Variants in AGMO observed in about 807,000 individuals in gnomAD.
AGMO encodes alkylglycerol monooxygenase.
A neutral mutation model predicts 60.2 loss-of-function variants in AGMO; 75 were observed. That is an observed-to-expected ratio of 1.25 (90% CI 1.03 to 1.51). The LOEUF is 1.51. AGMO is among the 40% of genes most tolerant of loss of function. AGMO has a pLI of 0.00. For synonymous variants in AGMO, 261 were observed against 177.1 expected (o/e 1.47, Z -3.76); for missense variants, 763 against 525.5 (o/e 1.45, Z -4.42).
At chr7:15,317,115 C>A (rs1780949350) in intron 12 of AGMO, among the ~76,000 whole-genome samples, 1 of 152,064 alleles carries the variant, frequency 6.6e-6, no homozygotes, top group African/African-American at 2.4e-5. Context: ...TTTGTGATTC[C>A]CATTTTCAAA....
In AGMO at chr7:15,397,381, C is replaced by G. The variant is rs573044370; in HGVS notation, c.610-3202G>C. Among the ~76,000 whole-genome samples, 111 of 152,074 alleles carry G rather than the reference C, an allele frequency of 7.3e-4. 1 individual carries two copies. Among genetic ancestry groups the G allele is most frequent in the African/African-American group, 2.4e-3 (101 of 41,556 alleles). Reference sequence around the variant, plus strand: ...GCGCAGCCCCGGCTCCCGCACCTCTCTCTCCCTCCACACCTCCCCGCAAGC... The same window carrying G: ...GCGCAGCCCCGGCTCCCGCACCTCTGTCTCCCTCCACACCTCCCCGCAAGC... On this transcript the variant is annotated intron_variant, in intron 5 of 12. Coordinates refer to ENST00000342526, the MANE Select transcript of AGMO (RefSeq NM_001004320.2).
chr7:15,531,038 C>CTA (rs376484757), intron 3 of AGMO, among the ~76,000 whole-genome samples: 29 of 77,276 alleles, frequency 3.8e-4, no homozygotes, highest in African/African-American at 1.6e-3. Flanking sequence ...CATATATATT[C>CTA]TATATATATT....
chr7:15,489,444 A>G (rs973593859), intron 3 of AGMO, among the ~76,000 whole-genome samples: 10 of 152,284 alleles, frequency 6.6e-5, no homozygotes, highest in Middle Eastern at 3.4e-3. Context: ...CCCATAGGCA[A>G]TCTTCACATG....
chr7:15,436,347 G>A (rs1781404752), intron 3 of AGMO, among the ~76,000 whole-genome samples: 1 of 152,094 alleles, frequency 6.6e-6, no homozygotes. Context: ...TTCGAAGATG[G>A]CATCATGAAT....
At chr7:15,417,903 C>T (rs1780819213) in intron 5 of AGMO, among the ~76,000 whole-genome samples, 1 of 152,076 alleles carries the variant, frequency 6.6e-6, no homozygotes, top group African/African-American at 2.4e-5. Context: ...AAGAATTTTT[C>T]TAGGTCTGTG....
At chr7:15,118,988 G>GT in the AGMO span, among the ~76,000 whole-genome samples, 13 of 108,720 alleles carry the variant, frequency 1.2e-4, no homozygotes, top group South Asian at 7.0e-4. Flanking sequence ...AAGCTATTGG[G>GT]GTTTTTTTTT....
chr7:15,323,604 A>T (rs1189225251), intron 12 of AGMO, among the ~76,000 whole-genome samples: 4 of 152,132 alleles, frequency 2.6e-5, no homozygotes, highest in African/African-American at 9.7e-5. Flanking sequence ...AATTTCTTAT[A>T]ATATTTAGAC....
chr7:15,406,370 A>G (rs1784690966), intron 5 of AGMO, among the ~76,000 whole-genome samples: 1 of 142,548 alleles, frequency 7.0e-6, no homozygotes, highest in African/African-American at 2.7e-5. Flanking sequence ...ATATACACAC[A>G]TACATATGAA....
intron 12 of AGMO, among the ~76,000 whole-genome samples, chr7:15,362,822 A>G (rs1317209434): frequency 6.6e-6 from 1 of 152,096 alleles, no homozygotes; most frequent in African/African-American, 2.4e-5. Context: ...AGCTCTTTAC[A>G]TTTTCCAAGC....
the AGMO span, among the ~76,000 whole-genome samples, chr7:15,145,257 A>G: frequency 6.6e-6 from 1 of 152,222 alleles, no homozygotes. Flanking sequence ...GCTTCCTACT[A>G]ATAGTATTTG....
At chr7:15,328,255 AC>A (rs1215741104) in intron 12 of AGMO, among the ~76,000 whole-genome samples, 2 of 151,598 alleles carry the variant, frequency 1.3e-5, no homozygotes, top group African/African-American at 4.8e-5. Flanking sequence ...GTGCCACCAC[AC>A]CCGGCTAGTT....
intron 3 of AGMO, among the ~76,000 whole-genome samples, chr7:15,533,095 C>A (rs994193328): frequency 2.6e-5 from 4 of 152,102 alleles, no homozygotes; most frequent in Non-Finnish European, 2.9e-5. Flanking sequence ...AGAGTAGTAT[C>A]CTTAAGTACT....
chr7:15,511,262 C>A (rs182440809), intron 3 of AGMO, among the ~76,000 whole-genome samples: 6 of 152,136 alleles, frequency 3.9e-5, no homozygotes, highest in Non-Finnish European at 8.8e-5. Flanking sequence ...GCCAGTGAAC[C>A]TAATGAGCAC....
chr7:15,231,897 ATAAAG>A (rs1214383383), intron 12 of AGMO, among the ~76,000 whole-genome samples: 1 of 152,222 alleles, frequency 6.6e-6, no homozygotes, highest in African/African-American at 2.4e-5. Context: ...ATAAAAAATA[ATAAAG>A]TAGTTACTTA....
chr7:15,256,781 A>G (rs540477765), intron 12 of AGMO, among the ~76,000 whole-genome samples: 11 of 152,348 alleles, frequency 7.2e-5, no homozygotes, highest in Admixed American at 3.3e-4. Context: ...TAAACCATAT[A>G]GCCAGGTGTG....
At chr7:15,205,899 A>T (rs530726077) in intron 12 of AGMO, among the ~76,000 whole-genome samples, 1 of 152,240 alleles carries the variant, frequency 6.6e-6, no homozygotes, top group South Asian at 2.1e-4. Context: ...TTTATAAAAT[A>T]CCAGTTAACT....
chr7:15,277,080 G>A (rs1026498310), intron 12 of AGMO, among the ~76,000 whole-genome samples: 1 of 151,830 alleles, frequency 6.6e-6, no homozygotes, highest in Non-Finnish European at 1.5e-5. Flanking sequence ...GGCCAAGGTA[G>A]GTGGATTACC....
At chr7:15,142,837 T>C in the AGMO span, among the ~76,000 whole-genome samples, 1 of 152,186 alleles carries the variant, frequency 6.6e-6, no homozygotes, top group Non-Finnish European at 1.5e-5. Flanking sequence ...TTAATATTTA[T>C]TGAATGTCCG....
intron 12 of AGMO, among the ~76,000 whole-genome samples, chr7:15,329,678 T>C (rs188423758): frequency 1.6e-4 from 25 of 152,322 alleles, no homozygotes; most frequent in Admixed American, 9.2e-4. Flanking sequence ...TCCTGTCCAT[T>C]ATTATGTTTA....
Sources: gnomAD v4.1 joint callset for allele counts (sites outside exome capture counted in the v4.1 genomes callset) on GRCh38, gnomAD v4.1.1 for gene constraint, MANE v1.5 for transcripts, NCBI Gene and HGNC (gene_info 2026-07-23, HGNC 2026-07-21) for gene names.